Variants in ENAH observed in about 807,000 individuals in gnomAD.
ENAH encodes the protein protein enabled homolog.
In ENAH, 23 loss-of-function variants were observed where a neutral mutation model predicts 78.7. The ratio of observed to expected loss-of-function variants is 0.29; its 90% CI spans 0.21 to 0.41. The LOEUF is 0.41. Among genes scored for constraint, ENAH ranks in the 10% least tolerant of loss-of-function variants. The probability of loss-of-function intolerance (pLI) is 1.00; values close to 1 mark genes in which losing one functional copy is unlikely to be tolerated. For synonymous variants in ENAH, 226 were observed against 241.0 expected, an observed-to-expected ratio of 0.94 and a Z score of 0.58; for missense variants, 544 against 691.0, an observed-to-expected ratio of 0.79 and a Z score of 2.39.
chr1:225,585,756 T>A (rs2096842978), intron 1 of ENAH, among the ~76,000 whole-genome samples: 1 of 151,876 alleles, frequency 6.6e-6, no homozygotes, highest in Non-Finnish European at 1.5e-5. Context: ...ACCACTGCAC[T>A]CCAGCCTAGG....
chr1:225,641,169 A>G (rs1466778410), intron 1 of ENAH, among the ~76,000 whole-genome samples: 1 of 152,050 alleles, frequency 6.6e-6, no homozygotes, highest in Non-Finnish European at 1.5e-5. Context: ...GGCCAAATAC[A>G]AGTACACACA....
At chr1:225,632,222 G>A (rs926964884) in intron 1 of ENAH, among the ~76,000 whole-genome samples, 5 of 152,132 alleles carry the variant, frequency 3.3e-5, no homozygotes, top group Non-Finnish European at 5.9e-5. Context: ...TTCTCAGCTG[G>A]GTGCAGGGGC....
intron 1 of ENAH, among the ~76,000 whole-genome samples, chr1:225,581,083 G>A (rs758800781): frequency 9.9e-5 from 15 of 151,684 alleles, no homozygotes; most frequent in Non-Finnish European, 1.6e-4. Flanking sequence ...AACCTAAACC[G>A]TCATTCACAG....
At chr1:225,617,950 G>T (rs186064037) in intron 1 of ENAH, among the ~76,000 whole-genome samples, 1 of 152,132 alleles carries the variant, frequency 6.6e-6, no homozygotes, top group Admixed American at 6.5e-5. Context: ...ATTTTTAATT[G>T]TTCATCGTAG....
At chr1:225,561,256 C>T (rs2096704019) in intron 2 of ENAH, among the ~76,000 whole-genome samples, 2 of 151,204 alleles carry the variant, frequency 1.3e-5, no homozygotes, top group Admixed American at 1.3e-4. Flanking sequence ...TTTTTTTAAT[C>T]TGAATTAATT....
intron 1 of ENAH, among the ~76,000 whole-genome samples, chr1:225,584,442 G>A (rs142588166): frequency 7.2e-4 from 110 of 152,162 alleles, no homozygotes; most frequent in African/African-American, 2.6e-3. Context: ...AATTAAAATA[G>A]AATTCTAAAG....
chr1:225,556,943 GC>G (rs909930421), intron 2 of ENAH, among the ~76,000 whole-genome samples: 9 of 152,122 alleles, frequency 5.9e-5, no homozygotes, highest in African/African-American at 1.7e-4. Flanking sequence ...CTGCAGGTTT[GC>G]CTGCAGCACA....
intron 10 of ENAH, among the ~76,000 whole-genome samples, chr1:225,510,376 A>T (rs1378759210): frequency 6.6e-6 from 1 of 152,172 alleles, no homozygotes; most frequent in Non-Finnish European, 1.5e-5. Flanking sequence ...GAGGATCTAT[A>T]GCTCTCATCA....
At chr1:225,620,283 T>A (rs1235579101) in intron 1 of ENAH, among the ~76,000 whole-genome samples, 1 of 151,998 alleles carries the variant, frequency 6.6e-6, no homozygotes, top group Admixed American at 6.6e-5. Flanking sequence ...ATCCCAGCAC[T>A]TTGGGAGGCC....
chr1:225,552,797 T>C (rs534193404), intron 3 of ENAH, among the ~76,000 whole-genome samples: 1 of 152,342 alleles, frequency 6.6e-6, no homozygotes, highest in East Asian at 1.9e-4. Flanking sequence ...AAAATGCTTG[T>C]GTAGCTTGTA....
intron 3 of ENAH, among the ~76,000 whole-genome samples, chr1:225,551,894 T>C (rs1558800081): frequency 6.6e-6 from 1 of 152,172 alleles, no homozygotes. Flanking sequence ...AGATGTAAGT[T>C]AAGCTTTTTC....
At chr1:225,651,751 G>C (rs1260496474) in intron 1 of ENAH, among the ~76,000 whole-genome samples, 3 of 152,086 alleles carry the variant, frequency 2.0e-5, no homozygotes, top group African/African-American at 7.2e-5. Context: ...AATCCGAAAA[G>C]AGAAGGTTAT....
chr1:225,592,567 A>G (rs147281524), intron 1 of ENAH, among the ~76,000 whole-genome samples: 75 of 152,326 alleles, frequency 4.9e-4, no homozygotes, highest in Non-Finnish European at 7.4e-4. Flanking sequence ...AACTGCTACT[A>G]TATGTGACTT....
chr1:225,649,928 A>C (rs751430972), intron 1 of ENAH, among the ~76,000 whole-genome samples: 2 of 152,226 alleles, frequency 1.3e-5, no homozygotes, highest in Non-Finnish European at 2.9e-5. Context: ...TGGCCTTTGA[A>C]ACATCAGAAC....
chr1:225,502,828 A>T (rs775210709), intron 11 of ENAH, among the ~76,000 whole-genome samples: 5 of 152,216 alleles, frequency 3.3e-5, no homozygotes, highest in Non-Finnish European at 7.3e-5. Flanking sequence ...ATGTTATTTC[A>T]TATATTCACT....
intron 3 of ENAH, among the ~76,000 whole-genome samples, chr1:225,553,797 C>T (rs938709530): frequency 1.3e-5 from 2 of 152,114 alleles, no homozygotes; most frequent in Non-Finnish European, 2.9e-5. Context: ...GGTTTATTTT[C>T]TCAAACTAGA....
At position 225,514,692 on chromosome 1, in the gene ENAH, TGCAGGGAGGGGTGGG is replaced by T; in HGVS notation, c.1107_1121del (p.Pro370_Ala374del). 1 of 1,531,268 alleles carries T rather than the reference TGCAGGGAGGGGTGGG, an allele frequency of 6.5e-7. No homozygotes were observed. The highest frequency in any genetic ancestry group is 8.9e-7 in the Non-Finnish European group (1 of 1,129,166). The allele number at this position is 1,531,268 out of a possible 1,614,324, so 94.9% of individuals were successfully genotyped here. A position where few individuals can be genotyped will look rare whatever the true frequency, so the allele number is the denominator to read the frequency against. On this transcript the variant is annotated inframe_deletion, in exon 7 of 14. Transcript: ENST00000366843. ...ACATGGATGCCAAAAAGAATCCAGA[TGCAGGGAGGGGTGGG>T]GCAGGAGGTGGTGGAGGAGGAGGGG...
At chr1:225,620,641 G>T (rs1656657765) in intron 1 of ENAH, among the ~76,000 whole-genome samples, 1 of 152,156 alleles carries the variant, frequency 6.6e-6, no homozygotes, top group African/African-American at 2.4e-5. Flanking sequence ...ATCTCAGCCT[G>T]CTACTTTCTA....
intron 2 of ENAH, among the ~76,000 whole-genome samples, chr1:225,562,988 G>A (rs1387666772): frequency 6.6e-6 from 1 of 150,414 alleles, no homozygotes. Flanking sequence ...AAAAAAACCC[G>A]AAATGCAAGA....
Sources: gnomAD v4.1 joint callset for allele counts (sites outside exome capture counted in the v4.1 genomes callset) on GRCh38, gnomAD v4.1.1 for gene constraint, MANE v1.5 for transcripts, NCBI Gene and HGNC (gene_info 2026-07-23, HGNC 2026-07-21) for gene names.